The following CASQ2 variants were observed in gnomAD, a reference collection of about 807,000 sequenced individuals.
The protein encoded by CASQ2 is calsequestrin-2.
CASQ2 carries 49 observed loss-of-function variants against 46.5 expected under a neutral mutation model. The observed-to-expected ratio is 1.05, with a 90% CI of 0.84 to 1.34. The LOEUF (loss-of-function observed/expected upper bound fraction) is 1.34. Ranked by LOEUF, CASQ2 falls within the 40% of genes most tolerant of loss-of-function variation. The probability of loss-of-function intolerance (pLI) is 0.00; values close to 1 mark genes in which losing one functional copy is unlikely to be tolerated. For synonymous variants in CASQ2, 174 were observed against 168.5 expected (o/e 1.03, Z -0.25); for missense variants, 486 against 481.3 (o/e 1.01, Z -0.09).
rs181041929 is a variant in CASQ2 at position 115,710,974 on chromosome 1, C to T, written c.839-5682G>A. Among the ~76,000 whole-genome samples the T allele has an allele frequency of 1.2e-4, 18 of 152,302 alleles. No homozygotes were observed. In the East Asian group the frequency reaches 2.5e-3, roughly 21 times the overall value. ...GAGCCTTCACCAAGCCCTAGGGGACCGGTCCCAGGCCAGGCACAGCCAAGT... is the reference window on the plus strand; with the variant it reads ...GAGCCTTCACCAAGCCCTAGGGGACTGGTCCCAGGCCAGGCACAGCCAAGT... On this transcript the variant is annotated intron_variant, in intron 8 of 10. Coordinates refer to ENST00000261448, the MANE Select transcript of CASQ2 (RefSeq NM_001232.4).
At chr1:115,733,202 A>G (rs1484259414) in intron 4 of CASQ2, among the ~76,000 whole-genome samples, 1 of 152,176 alleles carries the variant, frequency 6.6e-6, no homozygotes, top group African/African-American at 2.4e-5. Flanking sequence ...CATTCACCAC[A>G]CTTTTATGAA....
At chr1:115,705,456 G>C (rs546888240) in intron 8 of CASQ2, among the ~76,000 whole-genome samples, 164 bp from the exon 9 acceptor site, 1 of 152,322 alleles carries the variant, frequency 6.6e-6, no homozygotes, top group Admixed American at 6.5e-5. Flanking sequence ...TCCAGGCACA[G>C]AGCAGATTAT....
chr1:115,765,729 G>A (rs1314454632), intron 1 of CASQ2, among the ~76,000 whole-genome samples: 15 of 152,132 alleles, frequency 9.9e-5, no homozygotes, highest in East Asian at 3.9e-4. Flanking sequence ...GTCAGAAGCC[G>A]CCTTAAGCTG....
chr1:115,706,504 C>T (rs1027647019), intron 8 of CASQ2, among the ~76,000 whole-genome samples: 3 of 152,160 alleles, frequency 2.0e-5, no homozygotes, highest in African/African-American at 7.2e-5. Context: ...ACCAGAGAGA[C>T]CCTGGATCCC....
chr1:115,743,741 C>G (rs1343143495), intron 2 of CASQ2, among the ~76,000 whole-genome samples: 1 of 141,400 alleles, frequency 7.1e-6, no homozygotes, highest in Non-Finnish European at 1.5e-5. Flanking sequence ...AACCTTTCTT[C>G]AAAGATCCTG....
chr1:115,701,503 G>T (rs1654204462), intron 10 of CASQ2, 77 bp from the exon 11 acceptor site: 1 of 928,670 alleles, frequency 1.1e-6, no homozygotes, highest in Non-Finnish European at 1.8e-6. Flanking sequence ...GTGCTGAATA[G>T]CTATGCTGAG....
Position 115,701,366 on chromosome 1 carries a change from C to T in CASQ2, c.1075G>A (p.Glu359Lys), listed in dbSNP as rs1163573362. The change falls in exon 11 of 11, where the codon GAG (glutamate) becomes AAG (lysine). Residue 359 changes from glutamate (E) to lysine (K), a missense_variant. By Grantham distance (56) the Glu-to-Lys change is moderately conservative. Transcript: ENST00000261448. ...DDDLPTAEEL[E>K]DWIEDVLSGK... is the part of the protein sequence containing the mutation. ...GAAAGCACATCCTCAATCCAGTCCT[C>T]CAGCTCCTCAGCAGTTGGAAGATCG... The T allele has an allele frequency of 6.2e-7, 1 of 1,614,004 alleles. No homozygotes were observed. The highest frequency in any genetic ancestry group is 2.2e-5 in the East Asian group (1 of 44,874).
chr1:115,735,476 T>C (rs1485796604), intron 4 of CASQ2, among the ~76,000 whole-genome samples: 1 of 152,240 alleles, frequency 6.6e-6, no homozygotes, highest in Non-Finnish European at 1.5e-5. Context: ...ATGTACTTAA[T>C]TGAAAATTGC....
intron 2 of CASQ2, among the ~76,000 whole-genome samples, chr1:115,741,601 T>C (rs892333414): frequency 2.0e-5 from 3 of 152,158 alleles, no homozygotes; most frequent in African/African-American, 7.2e-5. Flanking sequence ...CCCATTAATG[T>C]ATGTGGCCAG....
At chr1:115,701,542 G>A (rs1654206785) in intron 10 of CASQ2, 116 bp from the exon 11 acceptor site, 1 of 739,588 alleles carries the variant, frequency 1.4e-6, no homozygotes. Flanking sequence ...CACTTATTAG[G>A]AACGTGCACA....
intron 5 of CASQ2, among the ~76,000 whole-genome samples, chr1:115,730,242 C>T (rs1647739347): frequency 6.6e-6 from 1 of 152,198 alleles, no homozygotes; most frequent in Admixed American, 6.5e-5. Context: ...TTGGAGGATA[C>T]TAATATGGAT....
At chr1:115,704,970 G>A (rs1002231884) in intron 9 of CASQ2, among the ~76,000 whole-genome samples, 2 of 152,184 alleles carry the variant, frequency 1.3e-5, no homozygotes, top group Non-Finnish European at 2.9e-5. Context: ...GAGGGTCAAG[G>A]GTTTTCAACT....
chr1:115,707,510 G>C (rs1353703356), intron 8 of CASQ2, among the ~76,000 whole-genome samples: 1 of 152,174 alleles, frequency 6.6e-6, no homozygotes, highest in Non-Finnish European at 1.5e-5. Flanking sequence ...AGGTGGGGTA[G>C]GGGCATTACT....
intron 5 of CASQ2, among the ~76,000 whole-genome samples, chr1:115,731,457 A>C (rs546375414): frequency 6.6e-6 from 1 of 152,206 alleles, no homozygotes; most frequent in Non-Finnish European, 1.5e-5. Flanking sequence ...TAATGGATTC[A>C]GTTTCGGCTT....
chr1:115,747,715 T>C (rs1467698552), intron 1 of CASQ2, among the ~76,000 whole-genome samples: 1 of 152,246 alleles, frequency 6.6e-6, no homozygotes, highest in African/African-American at 2.4e-5. Flanking sequence ...ATCTAATCAG[T>C]TAAATTATTT....
intron 7 of CASQ2, among the ~76,000 whole-genome samples, chr1:115,719,617 G>A (rs1248122472): frequency 1.3e-5 from 2 of 152,166 alleles, no homozygotes; most frequent in Non-Finnish European, 2.9e-5. Flanking sequence ...TCAGCATGCA[G>A]ACCTGTATTC....
At chr1:115,768,246 C>G in intron 1 of CASQ2, 62 bp downstream of exon 1, 1 of 1,100,318 alleles carries the variant, frequency 9.1e-7, no homozygotes, top group Middle Eastern at 2.0e-4. Flanking sequence ...AACCCCTGGC[C>G]AAAGGCATTC....
chr1:115,760,564 G>A (rs894103588), intron 1 of CASQ2, among the ~76,000 whole-genome samples: 1 of 152,144 alleles, frequency 6.6e-6, no homozygotes, highest in African/African-American at 2.4e-5. Flanking sequence ...TCTCAGCCTT[G>A]GGGTCCACAT....
intron 1 of CASQ2, among the ~76,000 whole-genome samples, chr1:115,748,031 T>A (rs1458293382): frequency 6.6e-6 from 1 of 152,204 alleles, no homozygotes; most frequent in Non-Finnish European, 1.5e-5. Context: ...TTTGTTTCTT[T>A]CCCATTCTTA....
Sources: gnomAD v4.1 joint callset for allele counts (sites outside exome capture counted in the v4.1 genomes callset) on GRCh38, gnomAD v4.1.1 for gene constraint, MANE v1.5 for transcripts, NCBI Gene and HGNC (gene_info 2026-07-23, HGNC 2026-07-21) for gene names.